The following TAF4 variants were observed in gnomAD, a reference collection of about 807,000 sequenced individuals.
TAF4 encodes transcription initiation factor TFIID subunit 4.
TAF4 carries 9 observed loss-of-function variants against 90.3 expected under a neutral mutation model. The ratio of observed to expected loss-of-function variants is 0.10; its 90% CI spans 0.06 to 0.17. The LOEUF (loss-of-function observed/expected upper bound fraction) is 0.17, where lower values mean the gene tolerates loss of function less well. Ranked by LOEUF, TAF4 falls within the 10% of genes least tolerant of loss-of-function variation. The probability of loss-of-function intolerance (pLI) is 1.00; values close to 1 mark genes in which losing one functional copy is unlikely to be tolerated. For synonymous variants in TAF4, 818 were observed against 638.9 expected (o/e 1.28, Z -4.23); for missense variants, 1,351 against 1,370.7 (o/e 0.99, Z 0.23).
Position 61,983,537 on chromosome 20 carries a change from C to T in TAF4, c.3091-7202G>A, listed in dbSNP as rs12481503. 2.8e-3 allele frequency among the ~76,000 whole-genome samples: 427 copies of T among 152,216 alleles called. 5 individuals carry two copies. Among genetic ancestry groups the T allele is most frequent in the Admixed American group, 0.024 (361 of 15,272 alleles). The stretch of plus-strand genomic sequence containing the variant: ...ATTAGTCAGATGCGGTGCTGTGTGC[C>T]TGTAGTCCCAGGCTACTGGGGCGGC... On this transcript the variant is annotated intron_variant, in intron 14 of 14. Coordinates refer to ENST00000252996, the MANE Select transcript of TAF4 (RefSeq NM_003185.4).
At chr20:62,018,278 CTG>C (rs2055823879) in intron 1 of TAF4, among the ~76,000 whole-genome samples, 1 of 152,234 alleles carries the variant, frequency 6.6e-6, no homozygotes, top group Admixed American at 6.5e-5. Context: ...AAGTCAGACA[CTG>C]TGTGATGATC....
intron 14 of TAF4, among the ~76,000 whole-genome samples, chr20:61,996,080 A>G (rs2055661110): frequency 6.6e-6 from 1 of 152,182 alleles, no homozygotes. Context: ...ACAAACCTCT[A>G]AAAAATAAAG....
chr20:62,020,864 T>C (rs1360992764), intron 1 of TAF4, among the ~76,000 whole-genome samples: 1 of 152,096 alleles, frequency 6.6e-6, no homozygotes, highest in Non-Finnish European at 1.5e-5. Flanking sequence ...GAAGGAGCAT[T>C]CCAGAAAACA....
intron 1 of TAF4, among the ~76,000 whole-genome samples, chr20:62,030,938 C>T (rs2055901302): frequency 6.6e-6 from 1 of 152,184 alleles, no homozygotes. Context: ...AATTCACTTG[C>T]CCAACTGCAC....
chr20:61,987,735 G>T (rs141768358), intron 14 of TAF4, among the ~76,000 whole-genome samples: 2 of 152,232 alleles, frequency 1.3e-5, no homozygotes, highest in Non-Finnish European at 2.9e-5. Flanking sequence ...ACCCAAAGGG[G>T]CTGAAAATTT....
chr20:62,045,491 G>T (rs2055988103), intron 1 of TAF4, among the ~76,000 whole-genome samples: 1 of 152,264 alleles, frequency 6.6e-6, no homozygotes, highest in African/African-American at 2.4e-5. Flanking sequence ...AACCAGCGAT[G>T]CTGCCTGAGC....
intron 14 of TAF4, among the ~76,000 whole-genome samples, chr20:61,987,828 T>C (rs2055603039): frequency 6.6e-6 from 1 of 152,236 alleles, no homozygotes; most frequent in Admixed American, 6.5e-5. Flanking sequence ...CACGATGTGC[T>C]TCAGTAGGTG....
chr20:61,996,542 T>C (rs1484776251), intron 14 of TAF4, among the ~76,000 whole-genome samples: 1 of 152,080 alleles, frequency 6.6e-6, no homozygotes, highest in African/African-American at 2.4e-5. Context: ...GGCTCATGCC[T>C]GTAATCCCAG....
At chr20:61,983,691 T>C (rs924339490) in intron 14 of TAF4, among the ~76,000 whole-genome samples, 1 of 152,062 alleles carries the variant, frequency 6.6e-6, no homozygotes, top group Non-Finnish European at 1.5e-5. Context: ...TACATAATTA[T>C]AAAATATTAT....
At chr20:62,063,640 G>A (rs2056102973) in intron 1 of TAF4, among the ~76,000 whole-genome samples, 1 of 152,198 alleles carries the variant, frequency 6.6e-6, no homozygotes, top group Non-Finnish European at 1.5e-5. Flanking sequence ...CCTGCACGGA[G>A]CGAGAACATC....
At chr20:61,997,722 T>A in intron 13 of TAF4, 53 bp from the exon 14 acceptor site, 1 of 1,568,320 alleles carries the variant, frequency 6.4e-7, no homozygotes, top group Non-Finnish European at 8.6e-7. Flanking sequence ...GTTTTTTACT[T>A]ACTACAAAAG....
At chr20:62,013,805 GC>G (rs2068497838) in intron 2 of TAF4, among the ~76,000 whole-genome samples, 1 of 152,196 alleles carries the variant, frequency 6.6e-6, no homozygotes, top group South Asian at 2.1e-4. Context: ...ACAGACACAC[GC>G]CGGGAGAGGC....
chr20:62,016,150 G>A (rs1350097978), intron 1 of TAF4, among the ~76,000 whole-genome samples: 2 of 152,256 alleles, frequency 1.3e-5, no homozygotes, highest in Non-Finnish European at 2.9e-5. Flanking sequence ...GGCCGCCAGA[G>A]CTGCTGCGCG....
intron 1 of TAF4, among the ~76,000 whole-genome samples, chr20:62,016,572 T>C (rs1449748643): frequency 6.6e-6 from 1 of 152,238 alleles, no homozygotes; most frequent in African/African-American, 2.4e-5. Flanking sequence ...CCAGGGGTTC[T>C]CAGGCCTTTG....
chr20:62,033,652 G>A (rs1192637431), intron 1 of TAF4, among the ~76,000 whole-genome samples: 1 of 151,824 alleles, frequency 6.6e-6, no homozygotes, highest in Non-Finnish European at 1.5e-5. Context: ...CACAAGAATT[G>A]CTTGAACCCG....
intron 14 of TAF4, among the ~76,000 whole-genome samples, chr20:61,995,869 CAAAAA>C (rs969175865): frequency 6.6e-4 from 3 of 4,542 alleles, no homozygotes; most frequent in Admixed American, 4.5e-3. Context: ...GACTCCGTCT[CAAAAA>C]AAAAAAAAAA....
At chr20:62,016,663 G>A (rs1013557083) in intron 1 of TAF4, among the ~76,000 whole-genome samples, 1 of 152,220 alleles carries the variant, frequency 6.6e-6, no homozygotes, top group Non-Finnish European at 1.5e-5. Flanking sequence ...CTCCTCAGGT[G>A]CACACAGCCT....
chr20:61,989,363 G>A (rs1204482004), intron 14 of TAF4, among the ~76,000 whole-genome samples: 7 of 152,154 alleles, frequency 4.6e-5, no homozygotes, highest in Middle Eastern at 3.2e-3. Flanking sequence ...TGCCACAGAC[G>A]AGGGAAGTGT....
rs556567087 is a variant in TAF4, at chr20:62,012,541, T to C, written c.1641+274A>G. On this transcript the variant is annotated intron_variant, in intron 3 of 14. Coordinates refer to ENST00000252996, the MANE Select transcript of TAF4 (RefSeq NM_003185.4). ...TCAAGTACTAGTAAGGACATAGTTT[T>C]AATGCTTCCAACATGGTGGAAAGCT... is the stretch of plus-strand genomic sequence containing the variant. The C allele has an allele frequency of 3.4e-4, 112 of 326,762 alleles. No homozygotes were observed. The South Asian group carries it at 6.6e-3, about 19-fold the overall frequency. 20.2% of individuals were successfully genotyped at this position (326,762 alleles called of 1,614,324 possible).
Sources: gnomAD v4.1 joint callset for allele counts (sites outside exome capture counted in the v4.1 genomes callset) on GRCh38, gnomAD v4.1.1 for gene constraint, MANE v1.5 for transcripts, NCBI Gene and HGNC (gene_info 2026-07-23, HGNC 2026-07-21) for gene names.